The following PRIM2 variants were observed in gnomAD, a reference collection of about 807,000 sequenced individuals.
PRIM2 encodes DNA primase large subunit.
Under a neutral mutation model 67.3 loss-of-function variants are expected in PRIM2, and 39 were observed. The ratio of observed to expected loss-of-function variants is 0.58; its 90% CI spans 0.45 to 0.76. The LOEUF is 0.76. PRIM2 is among the 30% of genes least tolerant of loss of function. PRIM2 has a pLI of 0.00. For missense variants in PRIM2, 398 were observed against 598.7 expected (o/e 0.66, Z 3.50); for synonymous variants, 143 against 198.7 (o/e 0.72, Z 2.36).
the PRIM2 span, among the ~76,000 whole-genome samples, chr6:57,277,524 C>A: frequency 6.6e-6 from 1 of 151,984 alleles, no homozygotes; most frequent in Non-Finnish European, 1.5e-5. Flanking sequence ...ATGCAGTTAC[C>A]CATTTAAAGT....
chr6:57,274,585 C>T, the PRIM2 span, among the ~76,000 whole-genome samples: 9 of 152,228 alleles, frequency 5.9e-5, no homozygotes, highest in South Asian at 6.2e-4. Context: ...CCGGGTGATG[C>T]GAAGCCTCGC....
the PRIM2 span, among the ~76,000 whole-genome samples, chr6:57,305,313 C>A: frequency 6.6e-6 from 1 of 152,140 alleles, no homozygotes; most frequent in Admixed American, 6.5e-5. Flanking sequence ...TGTATGCGAG[C>A]CTATCTGGAA....
At chr6:57,604,676 G>A (rs1776528164) in intron 11 of PRIM2, among the ~76,000 whole-genome samples, 1 of 151,578 alleles carries the variant, frequency 6.6e-6, no homozygotes, top group Non-Finnish European at 1.5e-5. Context: ...TGTCATGAAG[G>A]AATATTGGAT....
At chr6:57,335,270 C>T (rs1476632571) in intron 5 of PRIM2, among the ~76,000 whole-genome samples, 1 of 152,250 alleles carries the variant, frequency 6.6e-6, no homozygotes, top group African/African-American at 2.4e-5. Flanking sequence ...TGCAAGGCAG[C>T]AGCGAGGCTG....
the PRIM2 span, among the ~76,000 whole-genome samples, chr6:57,301,520 G>A: frequency 1.3e-5 from 2 of 152,134 alleles, no homozygotes; most frequent in East Asian, 3.9e-4. Context: ...GAATAGGAGA[G>A]TCTGGGTGCA....
chr6:57,554,617 C>T (rs1221153954), intron 10 of PRIM2, among the ~76,000 whole-genome samples: 3 of 152,142 alleles, frequency 2.0e-5, no homozygotes, highest in Non-Finnish European at 4.4e-5. Flanking sequence ...AGCAGGGATT[C>T]TATCTTAAAG....
chr6:57,444,920 C>T (rs1772318469), intron 7 of PRIM2, among the ~76,000 whole-genome samples: 1 of 147,354 alleles, frequency 6.8e-6, no homozygotes, highest in African/African-American at 2.7e-5. Flanking sequence ...TCTCCTTGCT[C>T]CTTTTTTAAA....
chr6:57,266,553 T>C, the PRIM2 span, among the ~76,000 whole-genome samples: 1 of 152,200 alleles, frequency 6.6e-6, no homozygotes, highest in Non-Finnish European at 1.5e-5. Flanking sequence ...ATATAACATA[T>C]AGCGCAGATT....
chr6:57,350,198 G>T (rs1323120637), intron 5 of PRIM2, among the ~76,000 whole-genome samples: 1 of 152,148 alleles, frequency 6.6e-6, no homozygotes, highest in Non-Finnish European at 1.5e-5. Context: ...GTTCTTCATA[G>T]AACATGTAGT....
chr6:57,262,217 C>T, the PRIM2 span, among the ~76,000 whole-genome samples: 10 of 152,108 alleles, frequency 6.6e-5, no homozygotes, highest in Non-Finnish European at 1.5e-4. Flanking sequence ...CCTGAGCTTC[C>T]GTTTTCTTGC....
At chr6:57,637,066 C>G (rs1159490868) in intron 13 of PRIM2, among the ~76,000 whole-genome samples, 1 of 152,184 alleles carries the variant, frequency 6.6e-6, no homozygotes, top group Non-Finnish European at 1.5e-5. Flanking sequence ...AGGAACAGGG[C>G]ACAATCTTTG....
At chr6:57,310,689 A>T (rs1240689319), upstream of PRIM2, among the ~76,000 whole-genome samples, 1 of 139,912 alleles carries the variant, frequency 7.1e-6, no homozygotes, top group Non-Finnish European at 1.5e-5. Context: ...CCAGGCAGAG[A>T]CACCCCTCAC....
the PRIM2 span, among the ~76,000 whole-genome samples, chr6:57,230,047 T>A: frequency 6.6e-6 from 1 of 152,244 alleles, no homozygotes; most frequent in Non-Finnish European, 1.5e-5. Flanking sequence ...TGTTCAAAGA[T>A]GTGGGAACAG....
chr6:57,256,886 A>G, the PRIM2 span, among the ~76,000 whole-genome samples: 12,365 of 152,272 alleles, frequency 0.081, 564 homozygotes, highest in Non-Finnish European at 0.1. Context: ...TCTCCTACCT[A>G]CTGCTAAATT....
the PRIM2 span, among the ~76,000 whole-genome samples, chr6:57,251,364 C>T: frequency 6.6e-6 from 1 of 152,188 alleles, no homozygotes; most frequent in African/African-American, 2.4e-5. Context: ...TGGCCTACCA[C>T]AATAAAGGTT....
At chr6:57,470,317 A>T (rs1456750920) in intron 7 of PRIM2, among the ~76,000 whole-genome samples, 2 of 147,530 alleles carry the variant, frequency 1.4e-5, no homozygotes, top group African/African-American at 5.0e-5. Context: ...TGTGTTCTGC[A>T]GCTGGCTCTT....
At chr6:57,538,515 A>AT (rs1391778964) in intron 10 of PRIM2, among the ~76,000 whole-genome samples, 1 of 152,126 alleles carries the variant, frequency 6.6e-6, no homozygotes, top group Non-Finnish European at 1.5e-5. Context: ...TATGAAGAAC[A>AT]TTTTTTACTG....
chr6:57,274,539 G>T, the PRIM2 span, among the ~76,000 whole-genome samples: 5 of 152,208 alleles, frequency 3.3e-5, no homozygotes, highest in Non-Finnish European at 7.3e-5. Context: ...CCCTTTCTTT[G>T]ACTAGGAAAG....
At chr6:57,302,127 T>C in the PRIM2 span, among the ~76,000 whole-genome samples, 1 of 152,208 alleles carries the variant, frequency 6.6e-6, no homozygotes, top group Non-Finnish European at 1.5e-5. Flanking sequence ...TATGAAATAC[T>C]GCCTCACCTG....
Sources: gnomAD v4.1 joint callset for allele counts (sites outside exome capture counted in the v4.1 genomes callset) on GRCh38, gnomAD v4.1.1 for gene constraint, MANE v1.5 for transcripts, NCBI Gene and HGNC (gene_info 2026-07-23, HGNC 2026-07-21) for gene names.